ZNF667: variants seen among roughly 807,000 people sequenced by gnomAD.
ZNF667 encodes zinc finger protein 667.
Under a neutral mutation model 31.8 loss-of-function variants are expected in ZNF667, and 13 were observed. The ratio of observed to expected loss-of-function variants is 0.41; its 90% CI spans 0.27 to 0.65. The LOEUF is 0.65. Ranked by LOEUF, ZNF667 falls within the 30% of genes least tolerant of loss-of-function variation. The probability of loss-of-function intolerance (pLI) is 0.32; values close to 1 mark genes in which losing one functional copy is unlikely to be tolerated. For synonymous variants in ZNF667, 228 were observed against 247.1 expected (o/e 0.92, Z 0.73); for missense variants, 642 against 725.6 (o/e 0.88, Z 1.32).
At position 56,442,730 on chromosome 19, in the gene ZNF667, T is replaced by C. The variant is rs749830311; in HGVS notation, c.265A>G (p.Lys89Glu). The C allele has an allele frequency of 3.2e-6, 5 of 1,578,724 alleles. No homozygotes were observed. In the African/African-American group the frequency reaches 4.1e-5, roughly 13 times the overall value. Residue 89 changes from lysine (K) to glutamate (E), a missense_variant, in exon 7 of 7, where the codon AAA becomes GAA. Transcript: ENST00000504904. ...RRRRAPDSGS[K>E]CETKKLPPNQ... ...GGAGGTAACTTCTTGGTCTCACATT[T>C]AGACCCCGAGTCTGAAAGACATAAA...
intron 6 of ZNF667, among the ~76,000 whole-genome samples, chr19:56,452,802 C>T (rs1469262994): frequency 3.3e-5 from 5 of 151,882 alleles, no homozygotes; most frequent in Non-Finnish European, 7.4e-5. Context: ...CGCTTGTAAT[C>T]CCAGCTACTC....
intron 3 of ZNF667, among the ~76,000 whole-genome samples, chr19:56,465,317 C>G (rs2043135767): frequency 6.6e-6 from 1 of 152,222 alleles, no homozygotes; most frequent in Admixed American, 6.5e-5. Flanking sequence ...CCAAGGCCAT[C>G]AGGCTTGAGT....
intron 3 of ZNF667, among the ~76,000 whole-genome samples, chr19:56,465,963 G>T (rs2043150457): frequency 6.6e-6 from 1 of 152,234 alleles, no homozygotes; most frequent in Non-Finnish European, 1.5e-5. Context: ...CTTTCCTCCT[G>T]GGAGTCTGCA....
At chr19:56,460,361 G>A (rs901910522) in intron 5 of ZNF667, among the ~76,000 whole-genome samples, 3 of 152,198 alleles carry the variant, frequency 2.0e-5, no homozygotes, top group African/African-American at 7.2e-5. Context: ...CAACCAGAGA[G>A]ATAGAAAGTG....
In ZNF667 at chr19:56,439,337, C is replaced by CAA. The variant is rs372942284; in HGVS notation, c.*1823_*1824dup. Reference sequence around the variant, plus strand: ...AGCCCAACTGTGTATGATCCAATTACAAAAAAGTTATCTGATTTTATTTCT... The same window carrying CAA: ...AGCCCAACTGTGTATGATCCAATTACAAAAAAAAGTTATCTGATTTTATTTCT... On this transcript the variant is annotated 3_prime_UTR_variant, in exon 7 of 7. Transcript: ENST00000504904. 2 of 152,182 alleles carry CAA rather than the reference C, an allele frequency of 1.3e-5. No homozygotes were observed. The highest frequency in any genetic ancestry group is 2.4e-5 in the African/African-American group (1 of 41,450). 9.4% of individuals were successfully genotyped at this position (152,182 alleles called of 1,614,324 possible). A position where few individuals can be genotyped will look rare whatever the true frequency, so the allele number is the denominator to read the frequency against.
chr19:56,464,141 A>G (rs1239963636), intron 3 of ZNF667, among the ~76,000 whole-genome samples: 11 of 152,260 alleles, frequency 7.2e-5, no homozygotes, highest in Admixed American at 7.2e-4. Context: ...GTATGAAAAA[A>G]TAACTATTTC....
chr19:56,458,584 C>A (rs2042981737), intron 5 of ZNF667, among the ~76,000 whole-genome samples: 1 of 152,146 alleles, frequency 6.6e-6, no homozygotes, highest in African/African-American at 2.4e-5. Flanking sequence ...AACTTTCAGC[C>A]CCATCTCCTG....
Position 56,444,323 on chromosome 19 carries a change from A to G in ZNF667, c.254-1582T>C. ...GACGAAGTAGGAGAAGGCACATCAC[A>G]TGGTGAAACAAGGAGAGAGAGTGTG... On this transcript the variant is annotated intron_variant, in intron 6 of 6. Coordinates refer to ENST00000504904, the MANE Select transcript of ZNF667 (RefSeq NM_001321356.2). The G allele has an allele frequency of 7.5e-6, 3 of 398,200 alleles. No individual in the cohort carries two copies. The South Asian group carries it at 3.8e-4, about 51-fold the overall frequency. 24.7% of individuals were successfully genotyped at this position (398,200 alleles called of 1,614,324 possible).
chr19:56,451,155 A>T (rs1423268089), intron 6 of ZNF667, among the ~76,000 whole-genome samples: 1 of 152,232 alleles, frequency 6.6e-6, no homozygotes, highest in Non-Finnish European at 1.5e-5. Context: ...CATGCAAATG[A>T]AAACCAAAAA....
intron 6 of ZNF667, among the ~76,000 whole-genome samples, chr19:56,444,521 G>C (rs543712168): frequency 6.1e-4 from 90 of 146,516 alleles, no homozygotes; most frequent in Non-Finnish European, 1.2e-3. Context: ...CATGAGATTT[G>C]GTGAGAAATC....
At chr19:56,454,847 T>A (rs1370989728) in intron 6 of ZNF667, among the ~76,000 whole-genome samples, 2 of 151,730 alleles carry the variant, frequency 1.3e-5, no homozygotes, top group East Asian at 1.9e-4. Context: ...GTTAAAAAGC[T>A]TGGGCACAGC....
intron 6 of ZNF667, 46 bp downstream of exon 6, chr19:56,458,109 C>G: frequency 6.6e-7 from 1 of 1,519,828 alleles, no homozygotes; most frequent in Non-Finnish European, 9.1e-7. Flanking sequence ...TCTGTTATAG[C>G]AGCCCCAGTA....
rs570901427 is a variant in ZNF667 at position 56,466,379 on chromosome 19, A to C, written c.-59-3950T>G. ...ACCCCTCAGCTGTATCAGCCTTAGA[A>C]TGAGGATCCAGCGAACAGTCATTCT... On this transcript the variant is annotated intron_variant, in intron 3 of 6. Coordinates refer to ENST00000504904, the MANE Select transcript of ZNF667 (RefSeq NM_001321356.2). 4.6e-5 allele frequency among the ~76,000 whole-genome samples: 7 copies of C among 152,278 alleles called. No individual in the cohort carries two copies. The East Asian group carries it at 9.7e-4, about 21-fold the overall frequency.
intron 3 of ZNF667, among the ~76,000 whole-genome samples, chr19:56,463,630 C>T (rs1046590823): frequency 2.6e-5 from 4 of 151,948 alleles, no homozygotes; most frequent in Non-Finnish European, 5.9e-5. Flanking sequence ...CCGGCTCAAG[C>T]GATCCTCCCA....
intron 6 of ZNF667, among the ~76,000 whole-genome samples, chr19:56,455,344 A>G (rs1056380698): frequency 1.3e-5 from 2 of 152,170 alleles, no homozygotes; most frequent in Admixed American, 1.3e-4. Flanking sequence ...AAAAAAATAA[A>G]TTAGTATATA....
intron 6 of ZNF667, among the ~76,000 whole-genome samples, chr19:56,450,662 A>C (rs2042803708): frequency 6.6e-6 from 1 of 152,240 alleles, no homozygotes; most frequent in Non-Finnish European, 1.5e-5. Context: ...CGGCAACTAC[A>C]ACAACTCAAG....
chr19:56,467,185 C>G, intron 3 of ZNF667: 1 of 365,596 alleles, frequency 2.7e-6, no homozygotes, highest in Non-Finnish European at 5.5e-6. Flanking sequence ...CTTCATCTGC[C>G]TGGGAATGGG....
At chr19:56,444,147 G>A in intron 6 of ZNF667, 1 of 398,304 alleles carries the variant, frequency 2.5e-6, no homozygotes, top group Non-Finnish European at 4.4e-6. Context: ...GTATTAGGAA[G>A]TTCCTATATT....
rs778650453 is a variant in ZNF667, at chr19:56,441,664, TTGA to T, written c.1328_1330del (p.Phe443_Lys444delinsTer). On this transcript the variant is annotated stop_gained and inframe_deletion, in exon 7 of 7. Coordinates refer to ENST00000504904, the MANE Select transcript of ZNF667 (RefSeq NM_001321356.2). LOFTEE classifies it high-confidence loss of function. This position sits in a 1 kb window ranked among gnomAD's most constrained non-coding sequence, Gnocchi z 4.2. ...GAAAACTTTACTACATTTATTGCATTTGAAAGGTTTCTCTTCAGAATGAATATT... is the reference window on the plus strand; with the variant it reads ...GAAAACTTTACTACATTTATTGCATTAAGGTTTCTCTTCAGAATGAATATT... 3 of 1,614,138 alleles carry T rather than the reference TTGA, an allele frequency of 1.9e-6. No individual in the cohort carries two copies. Among genetic ancestry groups the T allele is most frequent in the South Asian group, 1.1e-5 (1 of 91,080 alleles).
Sources: gnomAD v4.1 joint callset for allele counts (sites outside exome capture counted in the v4.1 genomes callset) on GRCh38, gnomAD v4.1.1 for gene constraint, Gnocchi (gnomAD v3.1) non-coding constraint, MANE v1.5 for transcripts, NCBI Gene and HGNC (gene_info 2026-07-23, HGNC 2026-07-21) for gene names.